The following GGH variants were observed in gnomAD, a reference collection of about 807,000 sequenced individuals.
GGH encodes the protein gamma-glutamyl hydrolase, also known as gamma-Glu-X carboxypeptidase.
A neutral mutation model predicts 39.2 loss-of-function variants in GGH; 18 were observed. That is an observed-to-expected ratio of 0.46 (90% CI 0.32 to 0.68). The LOEUF (loss-of-function observed/expected upper bound fraction) is 0.68. Among genes scored for constraint, GGH ranks in the 30% least tolerant of loss-of-function variants. The pLI is 0.04. For synonymous variants in GGH, 147 were observed against 138.8 expected (o/e 1.06, Z -0.42); for missense variants, 367 against 384.1 (o/e 0.96, Z 0.37).
At chr8:63,036,844 T>G (rs548910327) in intron 1 of GGH, among the ~76,000 whole-genome samples, 1 of 152,202 alleles carries the variant, frequency 6.6e-6, no homozygotes, top group East Asian at 1.9e-4. Context: ...CAGGTAGCGA[T>G]AGATCAGCAA....
At chr8:63,032,111 G>A (rs1804816794) in intron 2 of GGH, among the ~76,000 whole-genome samples, 1 of 152,108 alleles carries the variant, frequency 6.6e-6, no homozygotes, top group Non-Finnish European at 1.5e-5. Flanking sequence ...TCAGCTCACT[G>A]TAACCTCCAC....
In GGH at chr8:63,038,778, C is replaced by A; in HGVS notation, c.-10G>T. ...AGCCCGGACTGGCCATGGCGCTCGCCGCCTCCCGCCGCCTTTCAAAAGCTC... is the reference window on the plus strand; with the variant it reads ...AGCCCGGACTGGCCATGGCGCTCGCAGCCTCCCGCCGCCTTTCAAAAGCTC... On this transcript the variant is annotated 5_prime_UTR_variant, in exon 1 of 9. Transcript: ENST00000260118. 2 of 1,470,078 alleles carry A rather than the reference C, an allele frequency of 1.4e-6. No homozygotes were observed. Among genetic ancestry groups the A allele is most frequent in the Non-Finnish European group, 1.8e-6 (2 of 1,099,208 alleles). The allele number at this position is 1,470,078 out of a possible 1,614,324, so 91.1% of individuals were successfully genotyped here. A position where few individuals can be genotyped will look rare whatever the true frequency, so the allele number is the denominator to read the frequency against.
intron 7 of GGH, 37 bp downstream of exon 7, chr8:63,023,870 A>T (rs193197478): frequency 3.9e-6 from 5 of 1,295,462 alleles, no homozygotes; most frequent in Middle Eastern, 2.7e-4. Flanking sequence ...AAAATATAAA[A>T]TAAGTGAAAT....
intron 7 of GGH, among the ~76,000 whole-genome samples, chr8:63,020,236 T>C (rs1019128454): frequency 1.3e-5 from 2 of 152,162 alleles, no homozygotes; most frequent in African/African-American, 2.4e-5. Context: ...AAAGAAAATA[T>C]GCAAATAATA....
At position 63,038,729 on chromosome 8, in the gene GGH, G is replaced by T. The variant is rs1236275107; in HGVS notation, c.40C>A (p.Leu14Ile). 1 of 1,583,102 alleles carries T rather than the reference G, an allele frequency of 6.3e-7. No individual in the cohort carries two copies. The highest frequency in any genetic ancestry group is 1.1e-5 in the South Asian group (1 of 87,082). Residue 14 changes from leucine to isoleucine, a missense_variant, in exon 1 of 9, where the codon CTA becomes ATA. Transcript: ENST00000260118. ...TCGAGGCTCGCCGCCCCGCAGAGTA[G>T]CAGGCCCAGCACGCACAGCAGGCAG... is the stretch of plus-strand genomic sequence containing the variant. ...PGCLLCVLGL[L>I]LCGAASLELS...
intron 7 of GGH, chr8:63,023,368 G>C (rs1274284401): frequency 6.6e-6 from 1 of 152,238 alleles, no homozygotes; most frequent in Non-Finnish European, 1.5e-5. Context: ...GGTGTATTTT[G>C]AGTTCACCCT....
intron 7 of GGH, among the ~76,000 whole-genome samples, chr8:63,019,829 T>C (rs956254239): frequency 2.0e-5 from 3 of 152,242 alleles, no homozygotes; most frequent in African/African-American, 7.2e-5. Context: ...TAGGACCTTA[T>C]GGTCCTGATT....
intron 8 of GGH, among the ~76,000 whole-genome samples, 200 bp from the exon 9 acceptor site, chr8:63,015,653 AAG>A (rs1202943064): frequency 2.0e-5 from 3 of 150,878 alleles, no homozygotes; most frequent in African/African-American, 4.9e-5. Flanking sequence ...AAAAAAAAAA[AAG>A]AAGAAGAAGA....
At chr8:63,031,535 A>G (rs1047425394) in intron 2 of GGH, among the ~76,000 whole-genome samples, 2 of 152,230 alleles carry the variant, frequency 1.3e-5, no homozygotes, top group Non-Finnish European at 2.9e-5. Flanking sequence ...CAAAATGGGC[A>G]ACCATCGCCA....
chr8:63,019,962 T>C (rs765439472), intron 7 of GGH, among the ~76,000 whole-genome samples: 2 of 152,234 alleles, frequency 1.3e-5, no homozygotes, highest in African/African-American at 2.4e-5. Context: ...CTCAGTTCTT[T>C]AGGGATGAAC....
intron 7 of GGH, among the ~76,000 whole-genome samples, chr8:63,021,669 CT>C (rs752057959): frequency 0.2 from 18,987 of 92,628 alleles, 558 homozygotes; most frequent in South Asian, 0.26. Flanking sequence ...ATCTCATATC[CT>C]TTTTTTTTTT....
At chr8:63,028,701 C>T (rs1804746097) in intron 3 of GGH, among the ~76,000 whole-genome samples, 1 of 152,096 alleles carries the variant, frequency 6.6e-6, no homozygotes, top group Non-Finnish European at 1.5e-5. Flanking sequence ...CAATTAGTGG[C>T]AATGCAGAAA....
intron 7 of GGH, among the ~76,000 whole-genome samples, chr8:63,022,820 G>C (rs183063305): frequency 3.4e-4 from 51 of 151,936 alleles, no homozygotes; most frequent in African/African-American, 1.2e-3. Flanking sequence ...CACCACACCT[G>C]GCCTCAATTA....
chr8:63,030,102 C>A lies in GGH; in HGVS notation c.275+65G>T, dbSNP rs1585672023. 11 of 726,194 alleles carry A rather than the reference C, an allele frequency of 1.5e-5. No homozygotes were observed. The South Asian group carries it at 1.7e-4, about 12-fold the overall frequency. 45.0% of individuals were successfully genotyped at this position (726,194 alleles called of 1,614,324 possible). A position where few individuals can be genotyped will look rare whatever the true frequency, so the allele number is the denominator to read the frequency against. ...AACATGTATAATATTTATATGATTT[C>A]TTTTACAAAAGCAGACATATGTAGA... On this transcript the variant is annotated intron_variant, in intron 3 of 8. Transcript: ENST00000260118.
chr8:63,034,979 C>T (rs1314162722), intron 2 of GGH, among the ~76,000 whole-genome samples: 3 of 152,100 alleles, frequency 2.0e-5, no homozygotes, highest in African/African-American at 7.2e-5. Context: ...GAACCAGCCA[C>T]CCGAGCAATG....
At chr8:63,033,504 C>A (rs989878332) in intron 2 of GGH, among the ~76,000 whole-genome samples, 1 of 151,756 alleles carries the variant, frequency 6.6e-6, no homozygotes, top group African/African-American at 2.4e-5. Context: ...TTATTCATTT[C>A]TTCTAGGTTA....
At chr8:63,035,804 T>C in intron 1 of GGH, 34 bp from the exon 2 acceptor site, 3 of 1,541,382 alleles carry the variant, frequency 1.9e-6, no homozygotes, top group East Asian at 2.2e-5. Context: ...TTCAAGCAAA[T>C]TCCTTTTCTT....
intron 4 of GGH, chr8:63,026,877 T>TAAA: frequency 3.8e-6 from 1 of 263,498 alleles, no homozygotes; most frequent in East Asian, 9.7e-5. Context: ...ACAATGCCCA[T>TAAA]AAAAAAAAAA....
intron 2 of GGH, among the ~76,000 whole-genome samples, chr8:63,034,138 C>T (rs1381978780): frequency 2.0e-5 from 3 of 151,118 alleles, no homozygotes; most frequent in Non-Finnish European, 4.4e-5. Context: ...AACTTTGAAA[C>T]ACTGTTCTGA....
Sources: gnomAD v4.1 joint callset for allele counts (sites outside exome capture counted in the v4.1 genomes callset) on GRCh38, gnomAD v4.1.1 for gene constraint, MANE v1.5 for transcripts, NCBI Gene and HGNC (gene_info 2026-07-23, HGNC 2026-07-21) for gene names.